Variants in SORCS1 observed in about 807,000 individuals in gnomAD.
SORCS1 encodes sortilin related VPS10 domain containing receptor 1, also known as VPS10 domain-containing receptor SorCS1.
Under a neutral mutation model 146.1 loss-of-function variants are expected in SORCS1, and 60 were observed. The observed-to-expected ratio is 0.41, with a 90% CI of 0.33 to 0.51. The LOEUF (loss-of-function observed/expected upper bound fraction) is 0.51. SORCS1 is among the 20% of genes least tolerant of loss of function. The probability of loss-of-function intolerance (pLI) is 0.21; values close to 1 mark genes in which losing one functional copy is unlikely to be tolerated. For synonymous variants in SORCS1, 637 were observed against 584.0 expected, an observed-to-expected ratio of 1.09 and a Z score of -1.31; for missense variants, 1,352 against 1,487.6, an observed-to-expected ratio of 0.91 and a Z score of 1.50.
chr10:106,807,061 A>G (rs1030743494), intron 3 of SORCS1, among the ~76,000 whole-genome samples: 1 of 152,176 alleles, frequency 6.6e-6, no homozygotes, highest in Non-Finnish European at 1.5e-5. Context: ...GGGAAACCCA[A>G]TTAGTTTTCC....
At chr10:106,892,418 G>A (rs914675354) in intron 2 of SORCS1, among the ~76,000 whole-genome samples, 1 of 152,166 alleles carries the variant, frequency 6.6e-6, no homozygotes, top group Non-Finnish European at 1.5e-5. Context: ...AAAGCTCAGC[G>A]ACTGTGTAAT....
intron 1 of SORCS1, among the ~76,000 whole-genome samples, chr10:107,152,526 G>A (rs1218266443): frequency 6.6e-6 from 1 of 152,160 alleles, no homozygotes; most frequent in Non-Finnish European, 1.5e-5. Context: ...CCTAGCGGGA[G>A]GTAACTGAAT....
chr10:107,096,101 C>T (rs1031194808), intron 1 of SORCS1, among the ~76,000 whole-genome samples: 2 of 152,152 alleles, frequency 1.3e-5, no homozygotes, highest in Admixed American at 6.5e-5. Context: ...TAAGTGGGCA[C>T]GGTTACTCAT....
rs772461707 is a variant in SORCS1 at position 107,164,093 on chromosome 10, C to G, written c.434G>C (p.Arg145Pro). 1.9e-6 allele frequency: 3 copies of G among 1,613,630 alleles called. No individual in the cohort carries two copies. The highest frequency in any genetic ancestry group is 1.1e-5 in the South Asian group (1 of 91,080). ...GAAGCGGGTGGCTTTGTCCGGGTCC[C>G]GCTCCCGAGTCCCAGGCTCCTGCTG... is the stretch of plus-strand genomic sequence containing the variant. ...GGQQEPGTRE[R>P]DPDKATRFRM... is the part of the protein sequence containing the mutation. The change falls in exon 1 of 26, where the codon CGG becomes CCG. Residue 145 changes from arginine to proline, a missense_variant. Physicochemically the swap from Arg to Pro is moderately radical, Grantham distance 103 (BLOSUM62 -2). Coordinates refer to ENST00000263054, the MANE Select transcript of SORCS1 (RefSeq NM_052918.5). The surrounding 1 kb of genome is among the most constrained non-coding windows in gnomAD (Gnocchi z 6.8).
At chr10:107,140,567 T>A (rs1468517296) in intron 1 of SORCS1, among the ~76,000 whole-genome samples, 1 of 152,226 alleles carries the variant, frequency 6.6e-6, no homozygotes, top group Non-Finnish European at 1.5e-5. Flanking sequence ...TTCTACAACC[T>A]GCCTTTAGTA....
chr10:106,662,433 T>C (rs1850801919), intron 17 of SORCS1, among the ~76,000 whole-genome samples: 1 of 152,160 alleles, frequency 6.6e-6, no homozygotes. Context: ...CCACTGCATG[T>C]CTGTATCATG....
chr10:106,961,588 A>G (rs1156452440), intron 1 of SORCS1, among the ~76,000 whole-genome samples: 1 of 152,186 alleles, frequency 6.6e-6, no homozygotes, highest in Non-Finnish European at 1.5e-5. Flanking sequence ...GAGGCAGGAG[A>G]CTGGAGGAAC....
At chr10:107,164,862 G>A (rs1969995434), upstream of SORCS1, among the ~76,000 whole-genome samples, 1 of 147,078 alleles carries the variant, frequency 6.8e-6, no homozygotes, top group Non-Finnish European at 1.5e-5. The surrounding 1 kb of genome is among the most constrained non-coding windows in gnomAD (Gnocchi z 6.8). Flanking sequence ...GCCGAGCTGC[G>A]CTGCGCACCG....
chr10:106,626,228 G>T (rs1248175334), intron 19 of SORCS1, among the ~76,000 whole-genome samples: 1 of 152,166 alleles, frequency 6.6e-6, no homozygotes, highest in African/African-American at 2.4e-5. Flanking sequence ...CAGAGGACAG[G>T]CTTGGTGAGC....
chr10:106,578,568 T>TAAAAA, intron 25 of SORCS1: 2 of 647,388 alleles, frequency 3.1e-6, no homozygotes, highest in Non-Finnish European at 3.8e-6. Context: ...CCAATAGATG[T>TAAAAA]AAAAAAAAAA....
At chr10:107,083,146 T>C (rs1963472335) in intron 1 of SORCS1, among the ~76,000 whole-genome samples, 1 of 151,050 alleles carries the variant, frequency 6.6e-6, no homozygotes, top group African/African-American at 2.4e-5. Flanking sequence ...GTCAACTGCT[T>C]GAATACAGTA....
In SORCS1 at chr10:107,108,166, C is replaced by T. The variant is rs1010843962; in HGVS notation, c.558+55803G>A. ...GGCATCTGGAGGGAAACACACTTAT[C>T]TATGATCCTAGAGACAGGACTGCAG... On this transcript the variant is annotated intron_variant, in intron 1 of 25. Coordinates refer to ENST00000263054, the MANE Select transcript of SORCS1 (RefSeq NM_052918.5). Among the ~76,000 whole-genome samples the T allele has an allele frequency of 4.6e-5, 7 of 152,210 alleles. 1 individual carries two copies. The highest frequency in any genetic ancestry group is 4.6e-4 in the Admixed American group (7 of 15,290).
intron 1 of SORCS1, among the ~76,000 whole-genome samples, chr10:107,005,764 A>G (rs1275329163): frequency 1.3e-5 from 2 of 152,214 alleles, no homozygotes; most frequent in East Asian, 3.8e-4. Context: ...TTTTAAAATG[A>G]CAAAAATAGG....
chr10:106,907,872 A>T (rs1951978267), intron 2 of SORCS1, among the ~76,000 whole-genome samples: 2 of 151,356 alleles, frequency 1.3e-5, no homozygotes, highest in Admixed American at 1.3e-4. Flanking sequence ...GGTTGCAGTG[A>T]GCCGAGATCA....
chr10:106,814,110 G>GT (rs1296612879), intron 3 of SORCS1, among the ~76,000 whole-genome samples: 1 of 152,112 alleles, frequency 6.6e-6, no homozygotes, highest in Non-Finnish European at 1.5e-5. Context: ...TTACAACAAG[G>GT]TTTTCTTGGG....
chr10:107,164,646 G>T lies in SORCS1; in HGVS notation c.-120C>A, dbSNP rs1266561970. The stretch of plus-strand genomic sequence containing the variant: ...CCCAACTCCATCCAAGTTGCGCCGC[G>T]GTGGGGGCGGGCGGAGGCGGCGCCG... On this transcript the variant is annotated 5_prime_UTR_variant, in exon 1 of 26. Transcript: ENST00000263054. This position sits in a 1 kb window ranked among gnomAD's most constrained non-coding sequence, Gnocchi z 6.8. 2.0e-5 allele frequency: 16 copies of T among 814,114 alleles called. No homozygotes were observed. Among genetic ancestry groups the T allele is most frequent in the Non-Finnish European group, 6.6e-6 (4 of 604,096 alleles). 50.4% of individuals were successfully genotyped at this position (814,114 alleles called of 1,614,324 possible). A position where few individuals can be genotyped will look rare whatever the true frequency, so the allele number is the denominator to read the frequency against.
the SORCS1 span, among the ~76,000 whole-genome samples, chr10:107,179,904 CTTTTTTTTTTTTTT>C: frequency 9.8e-5 from 5 of 51,248 alleles, no homozygotes; most frequent in African/African-American, 1.7e-4. Context: ...ACAAAACAGA[CTTTTTTTTTTTTTT>C]TTTTTTTTTT....
At position 106,892,775 on chromosome 10, in the gene SORCS1, T is replaced by G. The variant is rs547767485; in HGVS notation, c.627-63102A>C. Among the ~76,000 whole-genome samples, 21 of 152,252 alleles carry G rather than the reference T, an allele frequency of 1.4e-4. No homozygotes were observed. The South Asian group carries it at 3.9e-3, about 29-fold the overall frequency. On this transcript the variant is annotated intron_variant, in intron 2 of 25. Transcript: ENST00000263054. ...TGTCTCCAGATAAATTAAACTCCAT[T>G]TACCAAAATAGGTTATCTAAGAACT...
At chr10:106,961,780 G>A (rs893382878) in intron 1 of SORCS1, among the ~76,000 whole-genome samples, 12 of 152,270 alleles carry the variant, frequency 7.9e-5, no homozygotes, top group Middle Eastern at 3.4e-3. Context: ...AGAGATTTGT[G>A]AATAGCCCAC....
Sources: allele counts gnomAD v4.1 joint callset (sites outside exome capture counted in the v4.1 genomes callset), GRCh38; gene constraint gnomAD v4.1.1; non-coding constraint Gnocchi (gnomAD v3.1); transcripts MANE v1.5; gene names NCBI Gene and HGNC (gene_info 2026-07-23, HGNC 2026-07-21).